Variants in SBF2 observed in about 807,000 individuals in gnomAD.
SBF2 encodes the protein SET binding factor 2.
SBF2 carries 112 observed loss-of-function variants against 225.2 expected under a neutral mutation model. That is an observed-to-expected ratio of 0.50 (90% confidence interval 0.43 to 0.58). The LOEUF is 0.58. SBF2 is among the 20% of genes least tolerant of loss of function. SBF2 has a pLI of 0.00. For synonymous variants in SBF2, 763 were observed against 773.3 expected, an observed-to-expected ratio of 0.99 and a Z score of 0.22; for missense variants, 1,996 against 2,206.2, an observed-to-expected ratio of 0.90 and a Z score of 1.91.
chr11:10,098,720 C>CACACACAT lies in SBF2; in HGVS notation c.142-55740_142-55739insATGTGTGT, dbSNP rs144970897. Among the ~76,000 whole-genome samples the CACACACAT allele has an allele frequency of 4.4e-4, 62 of 140,372 alleles. 1 individual carries two copies. Among genetic ancestry groups the CACACACAT allele is most frequent in the Middle Eastern group, 3.9e-3 (1 of 258 alleles). 92.1% of individuals were successfully genotyped at this position (140,372 alleles called of 152,430 possible). On this transcript the variant is annotated intron_variant, in intron 2 of 39. Transcript: ENST00000256190. Reference sequence around the variant, plus strand: ...ACACACACACACACACACACACACACGAAATTCTGGAGCTGAAGAACACCA... The same window carrying CACACACAT: ...ACACACACACACACACACACACACACACACACATGAAATTCTGGAGCTGAAGAACACCA...
At chr11:10,094,996 C>G (rs541825673) in intron 2 of SBF2, among the ~76,000 whole-genome samples, 4 of 151,828 alleles carry the variant, frequency 2.6e-5, no homozygotes, top group Non-Finnish European at 4.4e-5. Flanking sequence ...AAGGAACCAT[C>G]GAAGCCATAA....
intron 5 of SBF2, among the ~76,000 whole-genome samples, chr11:10,028,838 C>A (rs1949145183): frequency 6.6e-6 from 1 of 152,052 alleles, no homozygotes; most frequent in Non-Finnish European, 1.5e-5. Context: ...TTAAAGTCAA[C>A]AACTTTAATA....
At chr11:10,123,753 A>C (rs1305344334) in intron 2 of SBF2, among the ~76,000 whole-genome samples, 1 of 152,150 alleles carries the variant, frequency 6.6e-6, no homozygotes, top group Non-Finnish European at 1.5e-5. Flanking sequence ...TGCATTATTC[A>C]GACCTAGGTA....
At chr11:10,203,111 C>A (rs1002992020) in intron 1 of SBF2, among the ~76,000 whole-genome samples, 1 of 151,968 alleles carries the variant, frequency 6.6e-6, no homozygotes, top group Non-Finnish European at 1.5e-5. Context: ...ATCCAGAAGT[C>A]CTGGTAAAAC....
At chr11:9,835,383 C>T (rs1224013900) in intron 26 of SBF2, among the ~76,000 whole-genome samples, 1 of 152,014 alleles carries the variant, frequency 6.6e-6, no homozygotes, top group Non-Finnish European at 1.5e-5. Flanking sequence ...CTTTGGGAGG[C>T]CCAGCTGGGA....
chr11:10,045,844 A>T (rs532704405), intron 2 of SBF2, among the ~76,000 whole-genome samples: 1 of 152,334 alleles, frequency 6.6e-6, no homozygotes, highest in Admixed American at 6.5e-5. Context: ...AGAAAGCACC[A>T]GGCCCAGATG....
Position 9,792,385 on chromosome 11 carries a change from C to T in SBF2, c.4571-1702G>A, listed in dbSNP as rs567001027. On this transcript the variant is annotated intron_variant, in intron 33 of 39. Transcript: ENST00000256190. ...GGTGGAGGTTGCAGTGAGCTGAGAT[C>T]GTGCCACTGCACTCCAGCCTGGCGA... Among the ~76,000 whole-genome samples the T allele has an allele frequency of 1.9e-3, 285 of 151,096 alleles. 2 individuals carry two copies. Among genetic ancestry groups the T allele is most frequent in the African/African-American group, 6.6e-3 (269 of 40,976 alleles).
intron 13 of SBF2, among the ~76,000 whole-genome samples, chr11:9,974,759 G>A (rs181592543): frequency 6.7e-6 from 1 of 150,272 alleles, no homozygotes; most frequent in African/African-American, 2.4e-5. Flanking sequence ...ACGGGAGTTC[G>A]AGACCAGCCT....
At chr11:9,811,718 C>CT (rs74334261) in intron 30 of SBF2, among the ~76,000 whole-genome samples, 3,676 of 142,846 alleles carry the variant, frequency 0.026, 86 homozygotes, top group African/African-American at 0.068. Context: ...ACATCATTTC[C>CT]TTTTTTTTTT....
rs1314202941 is a variant in SBF2 at position 9,839,608 on chromosome 11, GA to G, written c.3344del (p.Phe1115SerfsTer7). On this transcript the variant is annotated frameshift_variant, in exon 26 of 40. Coordinates refer to ENST00000256190, the MANE Select transcript of SBF2 (RefSeq NM_030962.4). LOFTEE classifies it high-confidence loss of function. Reference sequence around the variant, plus strand: ...CTAAACCTAAACGCTGATAGTCTCTGAAACAAGCTTTTTCCACCAACTGTTC... The same window carrying G: ...CTAAACCTAAACGCTGATAGTCTCTGAACAAGCTTTTTCCACCAACTGTTC... ...TMEQLVEKAC[F>X]RDYQRLGLGT... is the part of the protein sequence containing the mutation. 2 of 1,614,056 alleles carry G rather than the reference GA, an allele frequency of 1.2e-6. No individual in the cohort carries two copies. The highest frequency in any genetic ancestry group is 2.7e-5 in the African/African-American group (2 of 74,930).
intron 1 of SBF2, among the ~76,000 whole-genome samples, chr11:10,301,087 A>G (rs1964595134): frequency 6.6e-6 from 1 of 152,206 alleles, no homozygotes; most frequent in African/African-American, 2.4e-5. Flanking sequence ...TGAGGCAGCA[A>G]ACGCATTACT....
At chr11:9,885,024 A>G (rs1860144576) in intron 17 of SBF2, among the ~76,000 whole-genome samples, 1 of 151,748 alleles carries the variant, frequency 6.6e-6, no homozygotes, top group Admixed American at 6.6e-5. Flanking sequence ...ACTGAGGCGG[A>G]CGGATCACTT....
intron 2 of SBF2, among the ~76,000 whole-genome samples, chr11:10,117,773 G>T (rs1399357738): frequency 6.9e-5 from 10 of 143,918 alleles, no homozygotes; most frequent in African/African-American, 2.0e-4. Flanking sequence ...ATGTTGTTGG[G>T]TTTTTTTTTT....
At chr11:10,296,614 T>G (rs1382167770), upstream of SBF2, among the ~76,000 whole-genome samples, 1 of 152,144 alleles carries the variant, frequency 6.6e-6, no homozygotes, top group Non-Finnish European at 1.5e-5. Context: ...ATATACCATA[T>G]TTTGTTTATC....
chr11:9,809,602 T>G (rs1473466921), intron 30 of SBF2, among the ~76,000 whole-genome samples: 1 of 150,602 alleles, frequency 6.6e-6, no homozygotes, highest in Non-Finnish European at 1.5e-5. Context: ...TGGAGTGCAG[T>G]GATGCAATCC....
chr11:10,145,725 T>C (rs1194757134), intron 2 of SBF2, among the ~76,000 whole-genome samples: 1 of 152,224 alleles, frequency 6.6e-6, no homozygotes, highest in African/African-American at 2.4e-5. Context: ...GCACCTGGTA[T>C]AGTGCTCTAT....
intron 38 of SBF2, among the ~76,000 whole-genome samples, chr11:9,782,407 CAATA>C (rs1852072969): frequency 6.6e-6 from 1 of 151,956 alleles, no homozygotes; most frequent in South Asian, 2.1e-4. Flanking sequence ...AAATAAATGA[CAATA>C]AATGAGATTT....
intron 2 of SBF2, among the ~76,000 whole-genome samples, chr11:10,104,515 T>C (rs1952466833): frequency 1.3e-5 from 2 of 150,354 alleles, no homozygotes; most frequent in Admixed American, 1.3e-4. Context: ...TGCAAACTGC[T>C]CCAGGAATAT....
At chr11:10,080,003 T>G (rs1951295755) in intron 2 of SBF2, among the ~76,000 whole-genome samples, 1 of 151,856 alleles carries the variant, frequency 6.6e-6, no homozygotes, top group Non-Finnish European at 1.5e-5. Flanking sequence ...ATCCCTGCAC[T>G]TTAGGAGGCT....
Sources: allele counts gnomAD v4.1 joint callset (sites outside exome capture counted in the v4.1 genomes callset), GRCh38; gene constraint gnomAD v4.1.1; transcripts MANE v1.5; gene names NCBI Gene and HGNC (gene_info 2026-07-23, HGNC 2026-07-21).